The following TMPRSS15 variants were observed in gnomAD, a reference collection of about 807,000 sequenced individuals.
TMPRSS15 encodes transmembrane serine protease 15, also known as enteropeptidase.
TMPRSS15 carries 128 observed loss-of-function variants against 125.3 expected under a neutral mutation model. The ratio of observed to expected loss-of-function variants is 1.02; its 90% CI spans 0.89 to 1.18. The LOEUF is 1.18. Ranked by LOEUF, TMPRSS15 falls within the 50% of genes most tolerant of loss-of-function variation. The pLI, the probability that TMPRSS15 is intolerant of heterozygous loss-of-function variation, is 0.00. For synonymous variants in TMPRSS15, 446 were observed against 423.2 expected (o/e 1.05, Z -0.66); for missense variants, 1,283 against 1,212.7 (o/e 1.06, Z -0.86).
chr21:18,303,245 T>C (rs2074992563), intron 18 of TMPRSS15, among the ~76,000 whole-genome samples: 1 of 152,150 alleles, frequency 6.6e-6, no homozygotes. Flanking sequence ...CTATTAACTT[T>C]ACTGCATATG....
intron 18 of TMPRSS15, among the ~76,000 whole-genome samples, chr21:18,303,278 T>A (rs1353571758): frequency 6.6e-6 from 1 of 151,900 alleles, no homozygotes; most frequent in Non-Finnish European, 1.5e-5. Flanking sequence ...TAGACCTCAG[T>A]TCCTTTTTGG....
Position 18,312,942 on chromosome 21 carries a change from T to C in TMPRSS15, c.2165+3A>G, listed in dbSNP as rs1333661133. 1 of 1,613,684 alleles carries C rather than the reference T, an allele frequency of 6.2e-7. No individual in the cohort carries two copies. Among genetic ancestry groups the C allele is most frequent in the Admixed American group, 1.7e-5 (1 of 60,016 alleles). On this transcript the variant is annotated splice_donor_region_variant and intron_variant, in intron 18 of 24. Coordinates refer to ENST00000284885, the MANE Select transcript of TMPRSS15 (RefSeq NM_002772.3). ...TAAAAAGGAACTCAGTAGAATTACT[T>C]ACCCTAGTCCCAGCAGTTGACAAAC... is the stretch of plus-strand genomic sequence containing the variant.
chr21:18,349,430 C>A lies in TMPRSS15; in HGVS notation c.1171+3473G>T, dbSNP rs555195333. Among the ~76,000 whole-genome samples the A allele has an allele frequency of 2.0e-5, 3 of 152,218 alleles. No homozygotes were observed. In the South Asian group the frequency reaches 6.2e-4, roughly 32 times the overall value. ...AAATTAAGAGGCTTAGGTGTTCTTA[C>A]CTAAAGCAGTATTAATTCAAAGTTT... On this transcript the variant is annotated intron_variant, in intron 10 of 24. Transcript: ENST00000284885.
intron 1 of TMPRSS15, among the ~76,000 whole-genome samples, chr21:18,423,965 T>C (rs2076197590): frequency 6.6e-6 from 1 of 152,110 alleles, no homozygotes; most frequent in Non-Finnish European, 1.5e-5. Flanking sequence ...TGAAGTATGA[T>C]CACAAAGCAA....
upstream of TMPRSS15, among the ~76,000 whole-genome samples, chr21:18,408,226 TG>T (rs2076157468): frequency 2.0e-5 from 3 of 152,320 alleles, no homozygotes; most frequent in Admixed American, 2.0e-4. Flanking sequence ...TCTGACTGTA[TG>T]AAGTAGCAGT....
At chr21:18,480,157 G>C (rs1056543763) in intron 1 of TMPRSS15, among the ~76,000 whole-genome samples, 2 of 151,830 alleles carry the variant, frequency 1.3e-5, no homozygotes, top group Non-Finnish European at 2.9e-5. Context: ...CAAACACCAC[G>C]TATTCTCACT....
chr21:18,432,324 T>G (rs748323132), intron 1 of TMPRSS15, among the ~76,000 whole-genome samples: 2 of 152,180 alleles, frequency 1.3e-5, no homozygotes, highest in Non-Finnish European at 2.9e-5. Context: ...TTATGTAATA[T>G]TTAGTAACAT....
intron 1 of TMPRSS15, among the ~76,000 whole-genome samples, chr21:18,458,710 A>G (rs149330556): frequency 6.6e-6 from 1 of 152,148 alleles, no homozygotes; most frequent in African/African-American, 2.4e-5. Flanking sequence ...TAGTTCTAAC[A>G]ATGTCTCCAT....
chr21:18,472,805 C>T (rs1978806844), intron 1 of TMPRSS15, among the ~76,000 whole-genome samples: 1 of 151,814 alleles, frequency 6.6e-6, no homozygotes, highest in Non-Finnish European at 1.5e-5. Flanking sequence ...GAAGTTAGGG[C>T]TATAAGAAAA....
intron 3 of TMPRSS15, among the ~76,000 whole-genome samples, chr21:18,387,238 C>A (rs1394686909): frequency 6.6e-6 from 1 of 151,952 alleles, no homozygotes; most frequent in Non-Finnish European, 1.5e-5. Flanking sequence ...AAAAAATGAC[C>A]ATTTTCATTT....
chr21:18,335,939 CTTTTTT>C (rs5842685), intron 13 of TMPRSS15, among the ~76,000 whole-genome samples: 2 of 140,956 alleles, frequency 1.4e-5, no homozygotes, highest in African/African-American at 2.6e-5. Context: ...TGTTAAATTC[CTTTTTT>C]TTTTTTTTTC....
rs546247021 is a variant in TMPRSS15, at chr21:18,287,027, G to A, written c.2487-5806C>T. 5.3e-5 allele frequency among the ~76,000 whole-genome samples: 8 copies of A among 152,196 alleles called. No individual in the cohort carries two copies. The South Asian group carries it at 8.3e-4, about 16-fold the overall frequency. ...TGACACTTTCTCCAACCACTGTATC[G>A]AAAACAACCTTCTTGCTCTTATCAT... On this transcript the variant is annotated intron_variant, in intron 21 of 24. Transcript: ENST00000284885.
At chr21:18,334,796 G>A (rs2075375925) in intron 13 of TMPRSS15, among the ~76,000 whole-genome samples, 1 of 152,112 alleles carries the variant, frequency 6.6e-6, no homozygotes, top group Non-Finnish European at 1.5e-5. Flanking sequence ...ATTAAACTTT[G>A]GATAATTTCC....
chr21:18,276,161 A>G (rs1313898495), intron 23 of TMPRSS15, among the ~76,000 whole-genome samples: 1 of 152,224 alleles, frequency 6.6e-6, no homozygotes, highest in Non-Finnish European at 1.5e-5. Context: ...AATTTAATTC[A>G]TGCACTAAAA....
chr21:18,391,757 C>T (rs538721984), intron 3 of TMPRSS15, among the ~76,000 whole-genome samples: 2 of 152,360 alleles, frequency 1.3e-5, no homozygotes, highest in East Asian at 3.9e-4. Context: ...CATTTTCCTT[C>T]TGCACTGCTC....
chr21:18,463,523 G>A (rs1978594393), intron 1 of TMPRSS15, among the ~76,000 whole-genome samples: 1 of 152,010 alleles, frequency 6.6e-6, no homozygotes, highest in African/African-American at 2.4e-5. Flanking sequence ...ACACCCCACT[G>A]TCGCTATTAG....
chr21:18,430,501 A>G (rs2076214273), intron 1 of TMPRSS15, among the ~76,000 whole-genome samples: 1 of 152,100 alleles, frequency 6.6e-6, no homozygotes, highest in South Asian at 2.1e-4. Context: ...TGGTTGCTCA[A>G]CCAAAACTGG....
chr21:18,382,713 T>A (rs59499965), intron 4 of TMPRSS15, among the ~76,000 whole-genome samples: 1 of 152,078 alleles, frequency 6.6e-6, no homozygotes, highest in Non-Finnish European at 1.5e-5. Flanking sequence ...CAAAAATTTC[T>A]GAATTCCAAA....
intron 1 of TMPRSS15, among the ~76,000 whole-genome samples, chr21:18,463,333 A>G (rs948867877): frequency 6.6e-6 from 1 of 151,706 alleles, no homozygotes; most frequent in Non-Finnish European, 1.5e-5. Flanking sequence ...TTTTAAACTA[A>G]CAAAGATCAA....
Sources: gnomAD v4.1 joint callset for allele counts (sites outside exome capture counted in the v4.1 genomes callset) on GRCh38, gnomAD v4.1.1 for gene constraint, MANE v1.5 for transcripts, NCBI Gene and HGNC (gene_info 2026-07-23, HGNC 2026-07-21) for gene names.